Variants in PLEKHM3 observed in about 807,000 individuals in gnomAD.
PLEKHM3 encodes pleckstrin homology domain-containing family M member 3.
Under a neutral mutation model 81.8 loss-of-function variants are expected in PLEKHM3, and 45 were observed. The ratio of observed to expected loss-of-function variants is 0.55; its 90% CI spans 0.43 to 0.71. The LOEUF (loss-of-function observed/expected upper bound fraction) is 0.71, where lower values mean the gene tolerates loss of function less well. Among genes scored for constraint, PLEKHM3 ranks in the 30% least tolerant of loss-of-function variants. The pLI, the probability that PLEKHM3 is intolerant of heterozygous loss-of-function variation, is 0.00. For missense variants in PLEKHM3, 788 were observed against 924.3 expected, an observed-to-expected ratio of 0.85 and a Z score of 1.91; for synonymous variants, 352 against 356.4, an observed-to-expected ratio of 0.99 and a Z score of 0.14.
intron 6 of PLEKHM3, among the ~76,000 whole-genome samples, chr2:207,904,177 T>C (rs1485186506): frequency 6.6e-6 from 1 of 152,148 alleles, no homozygotes; most frequent in Non-Finnish European, 1.5e-5. Context: ...AGAAAGTTTG[T>C]AAGATTTTAT....
Position 207,977,181 on chromosome 2 carries a change from A to T in PLEKHM3, c.1016T>A (p.Phe339Tyr). The change falls in exon 3 of 8, where the codon TTC becomes TAC. Residue 339 changes from phenylalanine (F) to tyrosine (Y), a missense_variant. Transcript: ENST00000427836. Reference protein sequence around the residue: ...HHDDYTQNHSFQKKTSGLLPP... With the variant: ...HHDDYTQNHSYQKKTSGLLPP... ...CAGCAGCCCACTGGTTTTCTTCTGG[A>T]AACTATGATTCTGTGTATAGTCATC... The T allele has an allele frequency of 6.2e-7, 1 of 1,614,166 alleles. No individual in the cohort carries two copies. The highest frequency in any genetic ancestry group is 2.2e-5 in the East Asian group (1 of 44,880).
intron 3 of PLEKHM3, among the ~76,000 whole-genome samples, chr2:207,951,260 C>A (rs1382164742): frequency 6.6e-6 from 1 of 151,990 alleles, no homozygotes; most frequent in Non-Finnish European, 1.5e-5. Flanking sequence ...TGAAAAGCGA[C>A]ATTATGGGAA....
intron 6 of PLEKHM3, among the ~76,000 whole-genome samples, chr2:207,865,801 A>AAAAAAAAAAATATATATATATATAT: frequency 4.0e-5 from 1 of 25,300 alleles, no homozygotes; most frequent in Non-Finnish European, 7.6e-5. Flanking sequence ...AAAAAAAAAA[A>AAAAAAAAAAATATATATATATATAT]AGATATATAT....
At chr2:207,951,574 A>C (rs573952887) in intron 3 of PLEKHM3, among the ~76,000 whole-genome samples, 2 of 152,298 alleles carry the variant, frequency 1.3e-5, no homozygotes, top group South Asian at 4.1e-4. Context: ...TTTAATGAAC[A>C]CATGCTCTGA....
At chr2:207,917,911 A>C (rs1301219666) in intron 5 of PLEKHM3, among the ~76,000 whole-genome samples, 1 of 152,170 alleles carries the variant, frequency 6.6e-6, no homozygotes, top group Non-Finnish European at 1.5e-5. Flanking sequence ...TATTTGATTT[A>C]CAATAGCATG....
Position 207,976,894 on chromosome 2 carries a change from G to T in PLEKHM3, c.1303C>A (p.Arg435Ser). Residue 435 changes from arginine to serine, a missense_variant, in exon 3 of 8, where the codon CGC becomes AGC. Arg to Ser is a moderately radical substitution (Grantham distance 110). Coordinates refer to ENST00000427836, the MANE Select transcript of PLEKHM3 (RefSeq NM_001080475.3). The surrounding 1 kb of genome is among the most constrained non-coding windows in gnomAD (Gnocchi z 4.1). ...CTCTGTCGGGTCTCAGCTCGGAGGC[G>T]AAGGACATCCTGGGGGAAAATGACT... is the stretch of plus-strand genomic sequence containing the variant. The part of the protein sequence containing the change: ...FQVIFPQDVL[R>S]LRAETRQRAQ... 1 of 1,614,200 alleles carries T rather than the reference G, an allele frequency of 6.2e-7. No homozygotes were observed. The highest frequency in any genetic ancestry group is 1.3e-5 in the African/African-American group (1 of 75,034).
chr2:207,976,905 T>TGG lies in PLEKHM3; in HGVS notation c.1290_1291dup (p.Gln431ProfsTer22). 1 of 1,614,218 alleles carries TGG rather than the reference T, an allele frequency of 6.2e-7. No homozygotes were observed. Reference sequence around the variant, plus strand: ...CTCAGCTCGGAGGCGAAGGACATCCTGGGGGAAAATGACTTGAAAGCAAGA... The same window carrying TGG: ...CTCAGCTCGGAGGCGAAGGACATCCTGGGGGGGAAAATGACTTGAAAGCAAGA... On this transcript the variant is annotated frameshift_variant, in exon 3 of 8. Coordinates refer to ENST00000427836, the MANE Select transcript of PLEKHM3 (RefSeq NM_001080475.3). LOFTEE classifies it high-confidence loss of function. This position sits in a 1 kb window ranked among gnomAD's most constrained non-coding sequence, Gnocchi z 4.1.
At chr2:207,910,682 A>T (rs776889218) in intron 5 of PLEKHM3, among the ~76,000 whole-genome samples, 4 of 151,986 alleles carry the variant, frequency 2.6e-5, no homozygotes, top group Non-Finnish European at 4.4e-5. Context: ...TCTCTTCTGG[A>T]TGGATGTTTA....
chr2:207,976,780 G>A lies in PLEKHM3; in HGVS notation c.1417C>T (p.Pro473Ser). Residue 473 changes from proline to serine, a missense_variant, in exon 3 of 8, where the codon CCC (proline) becomes TCC (serine). Coordinates refer to ENST00000427836, the MANE Select transcript of PLEKHM3 (RefSeq NM_001080475.3). The surrounding 1 kb of genome is among the most constrained non-coding windows in gnomAD (Gnocchi z 4.1). ...TCATGCCCACCCATTTGATCCTTGG[G>A]TTTGTTCCTCAGTGTGACTTGCAGG... is the stretch of plus-strand genomic sequence containing the variant. ...QNLQVTLRNK[P>S]KDQMGGHELR... is the part of the protein sequence containing the mutation. The A allele has an allele frequency of 6.2e-7, 1 of 1,614,224 alleles. No individual in the cohort carries two copies. The highest frequency in any genetic ancestry group is 2.2e-5 in the East Asian group (1 of 44,886).
At chr2:207,924,964 G>A in intron 5 of PLEKHM3, among the ~76,000 whole-genome samples, 1 of 152,016 alleles carries the variant, frequency 6.6e-6, no homozygotes. Context: ...GACCAACAAT[G>A]CCCAGGAGGC....
chr2:207,923,880 C>CACACATATATATATATATATATAT (rs1319162543), intron 5 of PLEKHM3, among the ~76,000 whole-genome samples: 2 of 56,790 alleles, frequency 3.5e-5, no homozygotes, highest in African/African-American at 7.1e-5. Context: ...CACACACACA[C>CACACATATATATATATATATATAT]ATATATATAT....
At chr2:207,948,166 A>T (rs1458861518) in intron 3 of PLEKHM3, among the ~76,000 whole-genome samples, 1 of 152,152 alleles carries the variant, frequency 6.6e-6, no homozygotes, top group East Asian at 1.9e-4. Flanking sequence ...ACCAACACAC[A>T]TGTAGCTCCT....
chr2:207,987,402 G>T (rs1234609272), intron 2 of PLEKHM3, among the ~76,000 whole-genome samples: 1 of 152,136 alleles, frequency 6.6e-6, no homozygotes, highest in African/African-American at 2.4e-5. Context: ...CTGCCCTACT[G>T]TCAGCTCCAC....
chr2:208,008,425 T>C (rs1240392402), intron 1 of PLEKHM3, among the ~76,000 whole-genome samples: 5 of 132,532 alleles, frequency 3.8e-5, no homozygotes, highest in Non-Finnish European at 3.0e-5. Context: ...ATCAAAACTA[T>C]ATACACAGTT....
intron 5 of PLEKHM3, among the ~76,000 whole-genome samples, chr2:207,913,734 T>C (rs1054068547): frequency 6.6e-6 from 1 of 150,478 alleles, no homozygotes; most frequent in Non-Finnish European, 1.5e-5. Flanking sequence ...TTTTTTTTTT[T>C]CTAAAAACAT....
At chr2:207,870,890 T>C (rs954390924) in intron 6 of PLEKHM3, among the ~76,000 whole-genome samples, 5 of 152,206 alleles carry the variant, frequency 3.3e-5, no homozygotes, top group Non-Finnish European at 4.4e-5. Flanking sequence ...GGAGGATCAC[T>C]TGAGCCTAGG....
intron 2 of PLEKHM3, among the ~76,000 whole-genome samples, chr2:207,998,577 C>T (rs150218870): frequency 3.5e-4 from 54 of 152,214 alleles, no homozygotes; most frequent in Non-Finnish European, 6.9e-4. Context: ...CTTGCAAATG[C>T]CATTTGTTAC....
chr2:207,909,510 C>G (rs1034878638), intron 5 of PLEKHM3, among the ~76,000 whole-genome samples: 5 of 152,200 alleles, frequency 3.3e-5, no homozygotes, highest in African/African-American at 4.8e-5. Flanking sequence ...ACTAGGAAGA[C>G]AGCCCAAGTA....
Position 207,823,091 on chromosome 2 carries a change from G to GCTTCATTCAAAGTCTGGAA in PLEKHM3, c.*5209_*5227dup, listed in dbSNP as rs3841869. ...AATCTTCTACTCTGGGCAACAACCA[G>GCTTCATTCAAAGTCTGGAA]CTTCATTCAAAGTCTGGAACTTCAT... On this transcript the variant is annotated 3_prime_UTR_variant, in exon 8 of 8. Transcript: ENST00000427836. 35 of 151,430 alleles carry GCTTCATTCAAAGTCTGGAA rather than the reference G, an allele frequency of 2.3e-4. No homozygotes were observed. In the Middle Eastern group the frequency reaches 0.01, roughly 44 times the overall value. 9.4% of individuals were successfully genotyped at this position (151,430 alleles called of 1,614,324 possible).
Sources: gnomAD v4.1 joint callset for allele counts (sites outside exome capture counted in the v4.1 genomes callset) on GRCh38, gnomAD v4.1.1 for gene constraint, Gnocchi (gnomAD v3.1) non-coding constraint, MANE v1.5 for transcripts, NCBI Gene and HGNC (gene_info 2026-07-23, HGNC 2026-07-21) for gene names.